The following C2CD3 variants were observed in gnomAD, a reference collection of about 807,000 sequenced individuals.
C2CD3 encodes the protein C2 domain containing 3 centriole elongation regulator, also known as C2 domain-containing protein 3.
Under a neutral mutation model 234.0 loss-of-function variants are expected in C2CD3, and 148 were observed. The ratio of observed to expected loss-of-function variants is 0.63; its 90% confidence interval spans 0.55 to 0.72. The LOEUF is 0.72. Among genes scored for constraint, C2CD3 ranks in the 30% least tolerant of loss-of-function variants. The pLI, the probability that C2CD3 is intolerant of heterozygous loss-of-function variation, is 0.00. For synonymous variants in C2CD3, 1,000 were observed against 1,035.4 expected, an observed-to-expected ratio of 0.97 and a Z score of 0.66; for missense variants, 2,577 against 2,811.5, an observed-to-expected ratio of 0.92 and a Z score of 1.89.
In C2CD3 at chr11:74,057,423, A is replaced by C; in HGVS notation, c.5073T>G (p.Asn1691Lys). The C allele has an allele frequency of 6.2e-7, 1 of 1,614,188 alleles. No homozygotes were observed. Among genetic ancestry groups the C allele is most frequent in the Non-Finnish European group, 8.5e-7 (1 of 1,180,014 alleles). ...VVENTDSPIW[N>K]FQQQSRLSKE... The stretch of plus-strand genomic sequence containing the variant: ...ACACAAACCTTGACTGCTGTTGAAA[A>C]TTCCAGATGGGGGAATCTGTGTTTT... The change falls in exon 25 of 33, where the codon AAT becomes AAG. Residue 1691 changes from asparagine to lysine, a missense_variant. Physicochemically the swap from Asn to Lys is moderately conservative, Grantham distance 94. Transcript: ENST00000334126.
chr11:74,067,062 C>T (rs1358548194), intron 24 of C2CD3, among the ~76,000 whole-genome samples: 1 of 152,116 alleles, frequency 6.6e-6, no homozygotes, highest in Non-Finnish European at 1.5e-5. Flanking sequence ...CATTTCTGTT[C>T]CCAAATATTG....
intron 2 of C2CD3, among the ~76,000 whole-genome samples, chr11:74,162,298 C>T (rs1272416452): frequency 6.6e-6 from 1 of 151,968 alleles, no homozygotes; most frequent in South Asian, 2.1e-4. Flanking sequence ...AAAGTGCTGA[C>T]TGTATATGTA....
At chr11:74,074,205 A>C in intron 24 of C2CD3, 48 bp downstream of exon 24, 1 of 1,270,930 alleles carries the variant, frequency 7.9e-7, no homozygotes, top group Non-Finnish European at 1.1e-6. Context: ...AGAAAGGAGC[A>C]CACCCTGAAG....
chr11:74,061,499 A>T (rs540896083), intron 24 of C2CD3, among the ~76,000 whole-genome samples: 52 of 152,360 alleles, frequency 3.4e-4, no homozygotes, highest in African/African-American at 1.2e-3. Context: ...AGAATTTTCA[A>T]CCCAGAATTT....
rs375205157 is a variant in C2CD3, at chr11:74,103,595, C to T, written c.2116G>A (p.Asp706Asn). The T allele has an allele frequency of 6.2e-7, 1 of 1,612,430 alleles. No homozygotes were observed. Among genetic ancestry groups the T allele is most frequent in the Non-Finnish European group, 8.5e-7 (1 of 1,179,648 alleles). Residue 706 changes from aspartate (D) to asparagine (N), a missense_variant, in exon 14 of 33, where the codon GAT becomes AAT. Coordinates refer to ENST00000334126, the MANE Select transcript of C2CD3 (RefSeq NM_001286577.2). The part of the protein sequence containing the change: ...VTMELITDNK[D>N]FTGINTKLSG... ...AACTTAGTATTGATACCAGTGAAATCTTTGTTATCTGTAATAAGCTCCATG... is the reference window on the plus strand; with the variant it reads ...AACTTAGTATTGATACCAGTGAAATTTTTGTTATCTGTAATAAGCTCCATG...
chr11:74,023,666 T>C (rs1424549254), intron 32 of C2CD3, among the ~76,000 whole-genome samples: 1 of 151,728 alleles, frequency 6.6e-6, no homozygotes, highest in African/African-American at 2.4e-5. Flanking sequence ...CCCTCTCCTT[T>C]TTCTCTCCCA....
chr11:74,047,029 A>G (rs924788693), intron 28 of C2CD3, among the ~76,000 whole-genome samples: 1 of 152,214 alleles, frequency 6.6e-6, no homozygotes, highest in African/African-American at 2.4e-5. Flanking sequence ...CATCCTACAA[A>G]TTAGAAAGCT....
intron 20 of C2CD3, among the ~76,000 whole-genome samples, chr11:74,087,767 C>T (rs1955707012): frequency 6.6e-6 from 1 of 152,170 alleles, no homozygotes; most frequent in South Asian, 2.1e-4. Context: ...TGGGTATCTG[C>T]TCTGTGTGTC....
At chr11:74,122,962 T>C in intron 8 of C2CD3, 26 bp downstream of exon 8, 1 of 1,595,532 alleles carries the variant, frequency 6.3e-7, no homozygotes, top group Non-Finnish European at 8.6e-7. Context: ...TCTCTAATTC[T>C]CAATGCTTCA....
chr11:74,131,883 C>T (rs1445197062), intron 7 of C2CD3, among the ~76,000 whole-genome samples: 1 of 152,110 alleles, frequency 6.6e-6, no homozygotes, highest in Non-Finnish European at 1.5e-5. Flanking sequence ...AACACATGTT[C>T]TCCCATAACC....
Position 74,123,139 on chromosome 11 carries a change from CAG to C in C2CD3, c.1218-6_1218-5del. On this transcript the variant is annotated splice_region_variant and splice_polypyrimidine_tract_variant and intron_variant, in intron 7 of 32. Transcript: ENST00000334126. The stretch of plus-strand genomic sequence containing the variant: ...ATTGCCTTGGGATAATTCAGCACTG[CAG>C]AGATAAGAAAACAAAGCAGAAGAAT... The C allele has an allele frequency of 1.2e-6, 2 of 1,607,722 alleles. No individual in the cohort carries two copies. The highest frequency in any genetic ancestry group is 1.7e-6 in the Non-Finnish European group (2 of 1,175,416).
intron 32 of C2CD3, among the ~76,000 whole-genome samples, chr11:74,016,013 G>A (rs1263381022): frequency 1.3e-5 from 2 of 152,080 alleles, no homozygotes. Flanking sequence ...AGAATTCAAG[G>A]CTGCAGTAAG....
rs75137555 is a variant in C2CD3 at position 74,078,287 on chromosome 11, C to T, written c.4431G>A (p.Arg1477=). The change falls in exon 23 of 33, where the codon AGG becomes AGA. Residue 1477 remains arginine, a synonymous_variant. Transcript: ENST00000334126. The stretch of plus-strand genomic sequence containing the variant: ...TGAAGTACCAAAGCAGTGATGGGCC[C>T]CTGGTGACTTCTGCTCTTTTGGATG... ...FKASKRAEVT[R]GPSLLWYFRE... The T allele has an allele frequency of 0.013, 21,492 of 1,614,110 alleles. 236 individuals are homozygous for T. The highest frequency in any genetic ancestry group is 0.048 in the African/African-American group (3,603 of 75,004).
chr11:74,043,315 C>G (rs1953165410), intron 28 of C2CD3, among the ~76,000 whole-genome samples: 1 of 152,202 alleles, frequency 6.6e-6, no homozygotes, highest in African/African-American at 2.4e-5. Context: ...CAGCATGTAT[C>G]AGTCCTTCAT....
intron 23 of C2CD3, among the ~76,000 whole-genome samples, chr11:74,077,710 T>C (rs561366973): frequency 1.1e-4 from 16 of 143,362 alleles, no homozygotes; most frequent in Non-Finnish European, 2.3e-4. Flanking sequence ...CAAACCACCA[T>C]GGCACATGTA....
At chr11:74,069,220 G>A (rs1208358039) in intron 24 of C2CD3, among the ~76,000 whole-genome samples, 1 of 152,322 alleles carries the variant, frequency 6.6e-6, no homozygotes, top group South Asian at 2.1e-4. Context: ...AGCCAAACAG[G>A]TGGGTGAAAA....
At chr11:74,134,945 G>C (rs1957811429) in intron 5 of C2CD3, among the ~76,000 whole-genome samples, 1 of 151,888 alleles carries the variant, frequency 6.6e-6, no homozygotes, top group African/African-American at 2.4e-5. Flanking sequence ...GGCTGGTCTT[G>C]AACTATTGGC....
At chr11:74,149,966 C>T (rs540969368) in intron 3 of C2CD3, among the ~76,000 whole-genome samples, 124 of 152,114 alleles carry the variant, frequency 8.2e-4, no homozygotes, top group Non-Finnish European at 1.5e-3. Flanking sequence ...GTCTTCTGGA[C>T]GCTAATGTGG....
At chr11:74,151,823 C>T (rs1855686498) in intron 3 of C2CD3, among the ~76,000 whole-genome samples, 1 of 151,606 alleles carries the variant, frequency 6.6e-6, no homozygotes, top group South Asian at 2.1e-4. Context: ...ATAGATGCTC[C>T]TAATGCTTAA....
Sources: allele counts gnomAD v4.1 joint callset (sites outside exome capture counted in the v4.1 genomes callset), GRCh38; gene constraint gnomAD v4.1.1; transcripts MANE v1.5; gene names NCBI Gene and HGNC (gene_info 2026-07-23, HGNC 2026-07-21).